Variants in ZFC3H1 observed in about 807,000 individuals in gnomAD.
ZFC3H1 encodes zinc finger C3H1 domain-containing protein.
Under a neutral mutation model 243.7 loss-of-function variants are expected in ZFC3H1, and 71 were observed. That is an observed-to-expected ratio of 0.29 (90% CI 0.24 to 0.36). The LOEUF is 0.36. Ranked by LOEUF, ZFC3H1 falls within the 10% of genes least tolerant of loss-of-function variation. The pLI is 1.00. For missense variants in ZFC3H1, 1,966 were observed against 2,317.1 expected, an observed-to-expected ratio of 0.85 and a Z score of 3.11; for synonymous variants, 838 against 813.0, an observed-to-expected ratio of 1.03 and a Z score of -0.52.
At chr12:71,638,381 G>A (rs1295181232) in intron 7 of ZFC3H1, 37 bp downstream of exon 7, 5 of 1,580,378 alleles carry the variant, frequency 3.2e-6, no homozygotes, top group Non-Finnish European at 4.3e-6. Context: ...GAAAAGACAA[G>A]ACAAAATAAT....
In ZFC3H1 at chr12:71,623,162, T is replaced by C. The variant is rs182892477; in HGVS notation, c.4744+198A>G. 7.5e-4 allele frequency among the ~76,000 whole-genome samples: 115 copies of C among 152,330 alleles called. No individual in the cohort carries two copies. The highest frequency in any genetic ancestry group is 1.3e-3 in the Non-Finnish European group (89 of 68,022). On this transcript the variant is annotated intron_variant, in intron 24 of 34. Coordinates refer to ENST00000378743, the MANE Select transcript of ZFC3H1 (RefSeq NM_144982.5). ...TAAACAATGTAATATCGTGCAGTTA[T>C]TGGTTTTCAAAGATGCCAGTGTCCA...
intron 3 of ZFC3H1, among the ~76,000 whole-genome samples, chr12:71,645,358 AAG>A (rs571484890): frequency 3.0e-4 from 46 of 152,340 alleles, no homozygotes; most frequent in Admixed American, 2.5e-3. Context: ...CAAAAAAGAA[AAG>A]AGTTAGTAGC....
rs1879743416 is a variant in ZFC3H1 at position 71,610,537 on chromosome 12, C to T, written c.5861G>A (p.Gly1954Asp). 1 of 1,613,552 alleles carries T rather than the reference C, an allele frequency of 6.2e-7. No homozygotes were observed. Among genetic ancestry groups the T allele is most frequent in the Non-Finnish European group, 8.5e-7 (1 of 1,179,640 alleles). Residue 1954 changes from glycine to aspartate, a missense_variant, in exon 35 of 35, where the codon GGT (glycine) becomes GAT (aspartate). Gly to Asp is a moderately conservative substitution (Grantham distance 94, BLOSUM62 -1). Transcript: ENST00000378743. ...TAGTTTTCTCAGGTTATCAGTTTTA[C>T]CTCCTTCTGATGCTTCAAACAAGAG... ...DQLLFEASEG[G>D]KTDNLRKLVS... is the part of the protein sequence containing the mutation.
At chr12:71,622,814 T>C (rs966118689) in intron 24 of ZFC3H1, among the ~76,000 whole-genome samples, 1 of 152,220 alleles carries the variant, frequency 6.6e-6, no homozygotes, top group African/African-American at 2.4e-5. Flanking sequence ...CACAGTTATA[T>C]GGCCTTGTAT....
intron 2 of ZFC3H1, among the ~76,000 whole-genome samples, chr12:71,655,851 A>T (rs978460366): frequency 6.6e-6 from 1 of 152,190 alleles, no homozygotes; most frequent in African/African-American, 2.4e-5. Context: ...CTGAACACAT[A>T]AAAAATTCTA....
At chr12:71,638,557 C>T in intron 6 of ZFC3H1, 42 bp from the exon 7 acceptor site, 3 of 1,434,228 alleles carry the variant, frequency 2.1e-6, no homozygotes, top group Non-Finnish European at 2.9e-6. Context: ...AACAGAAATA[C>T]TTCATCAGGA....
At position 71,623,400 on chromosome 12, in the gene ZFC3H1, A is replaced by G. The variant is rs1880080850; in HGVS notation, c.4704T>C (p.Asp1568=). The change falls in exon 24 of 35, where the codon GAT becomes GAC. Residue 1568 remains aspartate (D), a synonymous_variant. Coordinates refer to ENST00000378743, the MANE Select transcript of ZFC3H1 (RefSeq NM_144982.5). ...ACAACATGTCAGGATTAGTCTTTAC[A>G]TCTTGAACAGCTTGCCATGGCATTA... ...SFVMPWQAVQ[D]VKTNPDMLLA... 6.2e-7 allele frequency: 1 copy of G among 1,613,412 alleles called. No individual in the cohort carries two copies. Among genetic ancestry groups the G allele is most frequent in the Non-Finnish European group, 8.5e-7 (1 of 1,179,780 alleles).
At chr12:71,615,852 C>T (rs1276828232) in intron 27 of ZFC3H1, among the ~76,000 whole-genome samples, 1 of 152,068 alleles carries the variant, frequency 6.6e-6, no homozygotes, top group African/African-American at 2.4e-5. Context: ...ATGAAAAACT[C>T]TCCTCCTAAA....
chr12:71,635,505 A>T lies in ZFC3H1; in HGVS notation c.2176T>A (p.Ser726Thr). Reference protein sequence around the residue: ...DSESDGEASKSTNSVFGGLES... With the variant: ...DSESDGEASKTTNSVFGGLES... ...AATCCACCAAAAACACTATTTGTTGACTTGGAAGCCTCTCCATCAGATTCA... is the reference window on the plus strand; with the variant it reads ...AATCCACCAAAAACACTATTTGTTGTCTTGGAAGCCTCTCCATCAGATTCA... Residue 726 changes from serine (S) to threonine (T), a missense_variant, in exon 10 of 35, where the codon TCA becomes ACA. Around this residue, in one of 4 missense-constraint regions of ZFC3H1, gnomAD observed 1,383 missense variants for 1,723.7 expected, o/e 0.80. Coordinates refer to ENST00000378743, the MANE Select transcript of ZFC3H1 (RefSeq NM_144982.5). 1 of 1,574,276 alleles carries T rather than the reference A, an allele frequency of 6.4e-7. No homozygotes were observed. Among genetic ancestry groups the T allele is most frequent in the Non-Finnish European group, 8.6e-7 (1 of 1,166,298 alleles).
rs757734468 is a variant in ZFC3H1 at position 71,636,491 on chromosome 12, G to A, written c.2099C>T (p.Ser700Leu). 2.5e-6 allele frequency: 4 copies of A among 1,587,382 alleles called. No individual in the cohort carries two copies. Among genetic ancestry groups the A allele is most frequent in the Non-Finnish European group, 3.4e-6 (4 of 1,170,786 alleles). The stretch of plus-strand genomic sequence containing the variant: ...GTAGCATTAAATTTTTGTTTTTACC[G>A]AGATCACAGTTCGTGGAAGACGGGG... Reference protein sequence around the residue: ...RGPRLPRTVISLPKHKSVVVT... With the variant: ...RGPRLPRTVILLPKHKSVVVT... Residue 700 changes from serine (S) to leucine (L), a missense_variant and splice_region_variant, in exon 9 of 35, where the codon TCG becomes TTG. Ser to Leu is a moderately radical substitution (Grantham distance 145). Around this residue, in one of 4 missense-constraint regions of ZFC3H1, gnomAD observed 1,383 missense variants for 1,723.7 expected, o/e 0.80. Coordinates refer to ENST00000378743, the MANE Select transcript of ZFC3H1 (RefSeq NM_144982.5).
At chr12:71,624,768 A>C (rs1565808405) in intron 22 of ZFC3H1, among the ~76,000 whole-genome samples, 1 of 152,170 alleles carries the variant, frequency 6.6e-6, no homozygotes, top group Non-Finnish European at 1.5e-5. Flanking sequence ...TGAGTTTGAG[A>C]CCAGCCTGGC....
chr12:71,614,998 G>T, intron 28 of ZFC3H1, 60 bp from the exon 29 acceptor site: 2 of 1,419,864 alleles, frequency 1.4e-6, no homozygotes, highest in South Asian at 1.2e-5. Flanking sequence ...GTGAAGGAAT[G>T]ACAAAGTATT....
At position 71,632,462 on chromosome 12, in the gene ZFC3H1, T is replaced by C. The variant is rs1197752575; in HGVS notation, c.2870A>G (p.His957Arg). 3 of 1,600,414 alleles carry C rather than the reference T, an allele frequency of 1.9e-6. No homozygotes were observed. The highest frequency in any genetic ancestry group is 2.5e-6 in the Non-Finnish European group (3 of 1,178,598). Reference sequence around the variant, plus strand: ...CTCCATAGCAATTAGTTCTGCTGAATGCTTTCTTGGACTTGATACTGGAGA... The same window carrying C: ...CTCCATAGCAATTAGTTCTGCTGAACGCTTTCTTGGACTTGATACTGGAGA... ...DSSPVSSPRK[H>R]SAELIAMEKR... The change falls in exon 15 of 35, where the codon CAT (histidine) becomes CGT (arginine). Residue 957 changes from histidine (H) to arginine (R), a missense_variant. Around this residue, in one of 4 missense-constraint regions of ZFC3H1, gnomAD observed 1,383 missense variants for 1,723.7 expected, o/e 0.80. Coordinates refer to ENST00000378743, the MANE Select transcript of ZFC3H1 (RefSeq NM_144982.5).
intron 5 of ZFC3H1, among the ~76,000 whole-genome samples, chr12:71,642,870 T>C (rs989432287): frequency 7.9e-5 from 12 of 152,228 alleles, no homozygotes; most frequent in African/African-American, 2.7e-4. Flanking sequence ...TGTACACTTA[T>C]GACTTCTGTA....
intron 32 of ZFC3H1, chr12:71,611,345 G>T: frequency 3.3e-5 from 8 of 244,680 alleles, no homozygotes; most frequent in East Asian, 1.4e-4. Context: ...ACGTTCACAG[G>T]AGAAAAAAAA....
intron 2 of ZFC3H1, among the ~76,000 whole-genome samples, chr12:71,652,469 C>T (rs17110102): frequency 0.031 from 4,775 of 152,290 alleles, 213 homozygotes; most frequent in African/African-American, 0.11. Flanking sequence ...TCACACTGCA[C>T]ACATATTTGA....
intron 22 of ZFC3H1, among the ~76,000 whole-genome samples, chr12:71,625,440 C>G (rs1565808883): frequency 6.6e-6 from 1 of 152,116 alleles, no homozygotes; most frequent in Non-Finnish European, 1.5e-5. Context: ...ATCTATAGTC[C>G]CAGCACTTCA....
At chr12:71,615,376 C>T (rs754164066) in intron 27 of ZFC3H1, 60 bp from the exon 28 acceptor site, 15 of 1,101,078 alleles carry the variant, frequency 1.4e-5, no homozygotes, top group Non-Finnish European at 1.9e-5. Flanking sequence ...GAATTACACA[C>T]ATATTTTTTA....
Position 71,636,576 on chromosome 12 carries a change from T to C in ZFC3H1, c.2014A>G (p.Ile672Val), listed in dbSNP as rs755164188. ...TGAGACACTGTGTTAATACTGACTA[T>C]TGATAGATTGCTTCTTGGCACAGGA... is the stretch of plus-strand genomic sequence containing the variant. ...SHPVPRSNLSIVSINTVSQPR... is the reference protein window; with the variant it reads ...SHPVPRSNLSVVSINTVSQPR... Residue 672 changes from isoleucine (I) to valine (V), a missense_variant, in exon 9 of 35, where the codon ATA (isoleucine) becomes GTA (valine). Coordinates refer to ENST00000378743, the MANE Select transcript of ZFC3H1 (RefSeq NM_144982.5). 367 of 1,613,794 alleles carry C rather than the reference T, an allele frequency of 2.3e-4. No homozygotes were observed. Among genetic ancestry groups the C allele is most frequent in the Non-Finnish European group, 2.9e-4 (348 of 1,179,866 alleles).
Sources: gnomAD v4.1 joint callset for allele counts (sites outside exome capture counted in the v4.1 genomes callset) on GRCh38, gnomAD v4.1.1 for gene constraint, gnomAD v4.1.1 regional missense constraint, MANE v1.5 for transcripts, NCBI Gene and HGNC (gene_info 2026-07-23, HGNC 2026-07-21) for gene names.